The following PDHX variants were observed in gnomAD, a reference collection of about 807,000 sequenced individuals.
PDHX encodes pyruvate dehydrogenase complex component X, also known as pyruvate dehydrogenase protein X component, mitochondrial.
A neutral mutation model predicts 55.3 loss-of-function variants in PDHX; 33 were observed. That is an observed-to-expected ratio of 0.60 (90% CI 0.45 to 0.80). The LOEUF (loss-of-function observed/expected upper bound fraction) is 0.80. Among genes scored for constraint, PDHX ranks in the 30% least tolerant of loss-of-function variants. The pLI, the probability that PDHX is intolerant of heterozygous loss-of-function variation, is 0.00. For missense variants in PDHX, 622 were observed against 619.9 expected (o/e 1.00, Z -0.04); for synonymous variants, 226 against 219.4 (o/e 1.03, Z -0.27).
chr11:34,960,332 A>T, intron 4 of PDHX, 88 bp from the exon 5 acceptor site: 3 of 837,900 alleles, frequency 3.6e-6, no homozygotes, highest in Admixed American at 2.0e-5. Context: ...TTTTTTTTTA[A>T]TTATTTGCGA....
chr11:34,933,106 A>T (rs1854217598), intron 2 of PDHX, among the ~76,000 whole-genome samples: 1 of 152,204 alleles, frequency 6.6e-6, no homozygotes, highest in African/African-American at 2.4e-5. Context: ...TGTGGGGGAG[A>T]AACTGGAAGC....
chr11:34,948,117 T>TA, intron 3 of PDHX, among the ~76,000 whole-genome samples: 1 of 152,206 alleles, frequency 6.6e-6, no homozygotes, highest in Non-Finnish European at 1.5e-5. Flanking sequence ...TTCTTCATGT[T>TA]AAAGTAGAGA....
intron 1 of PDHX, among the ~76,000 whole-genome samples, chr11:34,918,354 T>G (rs1228814897): frequency 2.0e-5 from 3 of 151,966 alleles, no homozygotes; most frequent in Non-Finnish European, 2.9e-5. Context: ...GGAGGATCCG[T>G]TGAACCCAGG....
intron 3 of PDHX, among the ~76,000 whole-genome samples, chr11:34,956,365 A>G (rs972710505): frequency 6.6e-5 from 10 of 152,184 alleles, no homozygotes; most frequent in African/African-American, 2.4e-4. Context: ...TGATATGTCA[A>G]ACTCATTCTA....
chr11:34,965,137 C>T (rs1412563246), intron 5 of PDHX, among the ~76,000 whole-genome samples: 1 of 152,208 alleles, frequency 6.6e-6, no homozygotes, highest in Non-Finnish European at 1.5e-5. Flanking sequence ...GTTCTGAACT[C>T]ATGGTCTCAC....
At chr11:34,920,588 A>G (rs1853854079) in intron 1 of PDHX, among the ~76,000 whole-genome samples, 1 of 152,216 alleles carries the variant, frequency 6.6e-6, no homozygotes, top group Non-Finnish European at 1.5e-5. Flanking sequence ...TAAAATTGAT[A>G]GTTAAATCCT....
intron 3 of PDHX, among the ~76,000 whole-genome samples, chr11:34,954,137 T>C (rs1254421988): frequency 6.6e-6 from 1 of 152,244 alleles, no homozygotes; most frequent in Non-Finnish European, 1.5e-5. Context: ...GTCAGTCACG[T>C]GACTCAGGTC....
chr11:34,965,456 A>G (rs1855111254), intron 5 of PDHX, among the ~76,000 whole-genome samples: 1 of 152,180 alleles, frequency 6.6e-6, no homozygotes, highest in Non-Finnish European at 1.5e-5. Context: ...AGATTACCTG[A>G]TATATCTGCC....
intron 4 of PDHX, among the ~76,000 whole-genome samples, chr11:34,958,988 G>T (rs2133974223): frequency 6.6e-6 from 1 of 152,126 alleles, no homozygotes; most frequent in South Asian, 2.1e-4. Context: ...GCCCATATCA[G>T]AGTTATTTAA....
At chr11:34,975,365 A>G (rs1368430161) in intron 7 of PDHX, among the ~76,000 whole-genome samples, 4 of 151,994 alleles carry the variant, frequency 2.6e-5, no homozygotes, top group Non-Finnish European at 2.9e-5. Context: ...TGGGGCTCCA[A>G]TTTTAAATGT....
intron 1 of PDHX, among the ~76,000 whole-genome samples, chr11:34,924,568 G>A (rs79376832): frequency 0.13 from 19,802 of 152,148 alleles, 1,758 homozygotes; most frequent in African/African-American, 0.26. Flanking sequence ...TTTTAGAGAA[G>A]AGGAAACAGA....
intron 1 of PDHX, among the ~76,000 whole-genome samples, chr11:34,926,293 C>A (rs1798301976): frequency 6.6e-6 from 1 of 152,152 alleles, no homozygotes; most frequent in African/African-American, 2.4e-5. Context: ...AGAATTGTTT[C>A]ATTTGAACAG....
At chr11:34,951,525 C>T (rs1398822067) in intron 3 of PDHX, among the ~76,000 whole-genome samples, 3 of 152,138 alleles carry the variant, frequency 2.0e-5, no homozygotes, top group African/African-American at 2.4e-5. Flanking sequence ...TACCCTTTGC[C>T]CACTTTTTGA....
At chr11:34,918,989 C>T (rs148273531) in intron 1 of PDHX, among the ~76,000 whole-genome samples, 25 of 152,312 alleles carry the variant, frequency 1.6e-4, no homozygotes, top group African/African-American at 5.8e-4. Flanking sequence ...AATATTTTCC[C>T]CATCTCAAGG....
intron 2 of PDHX, among the ~76,000 whole-genome samples, chr11:34,932,364 A>G (rs1437887581): frequency 2.0e-5 from 3 of 152,202 alleles, no homozygotes; most frequent in African/African-American, 7.2e-5. Flanking sequence ...TTCTATCACA[A>G]AGGGTTAATA....
chr11:34,940,448 C>T (rs558649274), intron 2 of PDHX, among the ~76,000 whole-genome samples: 123 of 152,114 alleles, frequency 8.1e-4, no homozygotes, highest in African/African-American at 2.8e-3. Context: ...ACTTTGGTTC[C>T]GTTATTTCTG....
intron 3 of PDHX, among the ~76,000 whole-genome samples, chr11:34,954,843 T>C (rs1854868191): frequency 6.6e-6 from 1 of 152,180 alleles, no homozygotes; most frequent in South Asian, 2.1e-4. Context: ...GCTACTGTTA[T>C]TTGCATCTTA....
At chr11:34,942,554 A>T (rs972357683) in intron 2 of PDHX, among the ~76,000 whole-genome samples, 56 of 152,198 alleles carry the variant, frequency 3.7e-4, no homozygotes, top group African/African-American at 1.4e-3. Context: ...TACTCTGCCA[A>T]GGAGTCTTTC....
chr11:34,947,976 G>A (rs746665701), intron 3 of PDHX, among the ~76,000 whole-genome samples: 1 of 152,144 alleles, frequency 6.6e-6, no homozygotes. Flanking sequence ...ACCTTTACTA[G>A]GTAGTATGGT....
Sources: gnomAD v4.1 joint callset for allele counts (sites outside exome capture counted in the v4.1 genomes callset) on GRCh38, gnomAD v4.1.1 for gene constraint, MANE v1.5 for transcripts, NCBI Gene and HGNC (gene_info 2026-07-23, HGNC 2026-07-21) for gene names.